POFUT3: variants seen among roughly 807,000 people sequenced by gnomAD.
POFUT3 encodes the protein GDP-fucose protein O-fucosyltransferase 3.
chr8:33,371,179 C>G, the POFUT3 span: 1 of 152,116 alleles, frequency 6.6e-6, no homozygotes, highest in Non-Finnish European at 1.5e-5. Context: ...AGAGATATGT[C>G]CAAGATCATA....
the POFUT3 span, chr8:33,371,681 G>A: frequency 1.3e-5 from 2 of 152,168 alleles, no homozygotes; most frequent in East Asian, 1.9e-4. Context: ...AGCAGGATCC[G>A]AAATGACAGG....
chr8:33,354,049 A>G, the POFUT3 span, among the ~76,000 whole-genome samples: 3 of 152,208 alleles, frequency 2.0e-5, no homozygotes, highest in East Asian at 5.8e-4. Flanking sequence ...CAGCTCTGTT[A>G]CTTGTTATTG....
the POFUT3 span, among the ~76,000 whole-genome samples, chr8:33,426,988 A>G: frequency 6.6e-6 from 1 of 152,180 alleles, no homozygotes. Context: ...AGTACCAGTG[A>G]CAGAGGGTAC....
the POFUT3 span, among the ~76,000 whole-genome samples, chr8:33,309,200 A>ATG: frequency 4.9e-5 from 5 of 102,414 alleles, no homozygotes; most frequent in African/African-American, 2.3e-4. Flanking sequence ...ATATATATAT[A>ATG]CACACACATA....
At chr8:33,447,466 A>G in the POFUT3 span, among the ~76,000 whole-genome samples, 3 of 143,730 alleles carry the variant, frequency 2.1e-5, no homozygotes, top group Non-Finnish European at 3.1e-5. Context: ...AAAAAAAAAA[A>G]CTTTATTCTT....
the POFUT3 span, among the ~76,000 whole-genome samples, chr8:33,461,902 G>A: frequency 6.6e-6 from 1 of 151,676 alleles, no homozygotes; most frequent in African/African-American, 2.4e-5. Flanking sequence ...GCTCACTCCT[G>A]TAATCCCAGC....
the POFUT3 span, among the ~76,000 whole-genome samples, chr8:33,388,085 A>T: frequency 6.6e-6 from 1 of 152,220 alleles, no homozygotes; most frequent in African/African-American, 2.4e-5. Flanking sequence ...AGTTCATAAC[A>T]ATTTAAGAAA....
At chr8:33,318,583 ATATATATTTATATAATATATAAATATAT>A in the POFUT3 span, among the ~76,000 whole-genome samples, 4 of 86,238 alleles carry the variant, frequency 4.6e-5, no homozygotes, top group Non-Finnish European at 7.9e-5. Context: ...AATATATTGT[ATATATATTTATATAATATATAAATATAT>A]TGTATATATA....
the POFUT3 span, among the ~76,000 whole-genome samples, chr8:33,459,339 C>A: frequency 6.7e-6 from 1 of 150,086 alleles, no homozygotes; most frequent in African/African-American, 2.5e-5. Context: ...AAACTCCACT[C>A]AAAAAAAAAG....
At chr8:33,362,746 T>C in the POFUT3 span, among the ~76,000 whole-genome samples, 7 of 152,254 alleles carry the variant, frequency 4.6e-5, no homozygotes, top group East Asian at 1.4e-3. Context: ...ATGCACCCCA[T>C]ACAGGAGCAC....
At chr8:33,317,855 C>G in the POFUT3 span, among the ~76,000 whole-genome samples, 1 of 152,108 alleles carries the variant, frequency 6.6e-6, no homozygotes, top group African/African-American at 2.4e-5. Context: ...CTTCATTTCC[C>G]CCATCAGGGC....
chr8:33,467,890 G>A, the POFUT3 span, among the ~76,000 whole-genome samples: 3,378 of 152,246 alleles, frequency 0.022, 61 homozygotes, highest in East Asian at 0.078. Context: ...TTTCCTGCGT[G>A]TCTGACTGTA....
the POFUT3 span, among the ~76,000 whole-genome samples, chr8:33,464,257 T>C: frequency 6.6e-6 from 1 of 152,172 alleles, no homozygotes; most frequent in African/African-American, 2.4e-5. Context: ...ACTGGAACGT[T>C]AAAAGGAAAA....
chr8:33,340,316 T>C, the POFUT3 span, among the ~76,000 whole-genome samples: 3 of 151,386 alleles, frequency 2.0e-5, no homozygotes, highest in Admixed American at 2.0e-4. Flanking sequence ...GATTCATCAG[T>C]TGCAAGAAAT....
the POFUT3 span, chr8:33,389,158 T>C: frequency 1.6e-4 from 254 of 1,614,148 alleles, 3 homozygotes; most frequent in South Asian, 2.6e-3. Flanking sequence ...CAGAATCCAG[T>C]CGTCTGATGT....
At chr8:33,322,338 C>G in the POFUT3 span, among the ~76,000 whole-genome samples, 10 of 152,068 alleles carry the variant, frequency 6.6e-5, no homozygotes, top group Admixed American at 3.9e-4. Context: ...AAATGAATCT[C>G]CCATGATGCA....
the POFUT3 span, among the ~76,000 whole-genome samples, chr8:33,376,564 T>C: frequency 1.3e-5 from 2 of 152,156 alleles, no homozygotes; most frequent in Non-Finnish European, 2.9e-5. Flanking sequence ...AAGTCCTCCT[T>C]TCTCTTGGGA....
At chr8:33,441,956 TTTTTC>T in the POFUT3 span, among the ~76,000 whole-genome samples, 1 of 152,024 alleles carries the variant, frequency 6.6e-6, no homozygotes, top group Non-Finnish European at 1.5e-5. Flanking sequence ...ACTTCTATTT[TTTTTC>T]TTTTTTGAGA....
chr8:33,388,028 C>G, the POFUT3 span, among the ~76,000 whole-genome samples: 1 of 152,082 alleles, frequency 6.6e-6, no homozygotes, highest in African/African-American at 2.4e-5. Context: ...ATAAAGTAAG[C>G]AAACAAACAC....
Sources: gnomAD v4.1 joint callset for allele counts (sites outside exome capture counted in the v4.1 genomes callset) on GRCh38, gnomAD v4.1.1 for gene constraint, MANE v1.5 for transcripts, NCBI Gene and HGNC (gene_info 2026-07-23, HGNC 2026-07-21) for gene names.